SSH2: variants seen among roughly 807,000 people sequenced by gnomAD.
SSH2 encodes the protein slingshot protein phosphatase 2.
Under a neutral mutation model 135.2 loss-of-function variants are expected in SSH2, and 37 were observed. The observed-to-expected ratio is 0.27, with a 90% CI of 0.21 to 0.36. The LOEUF is 0.36. Among genes scored for constraint, SSH2 ranks in the 10% least tolerant of loss-of-function variants. The pLI is 1.00. For synonymous variants in SSH2, 628 were observed against 646.2 expected (o/e 0.97, Z 0.43); for missense variants, 1,408 against 1,765.3 (o/e 0.80, Z 3.63).
intron 3 of SSH2, among the ~76,000 whole-genome samples, chr17:29,790,608 G>A (rs537612384): frequency 1.3e-5 from 2 of 152,234 alleles, no homozygotes; most frequent in South Asian, 4.1e-4. Flanking sequence ...TCACTCTGTT[G>A]ATAGTGTCTT....
chr17:29,893,779 T>C (rs2066393458), intron 1 of SSH2, among the ~76,000 whole-genome samples: 1 of 152,176 alleles, frequency 6.6e-6, no homozygotes, highest in African/African-American at 2.4e-5. Context: ...CTGAGGTGTA[T>C]TGTGACTCTA....
chr17:29,648,459 T>C, intron 13 of SSH2, 115 bp from the exon 14 acceptor site: 2 of 809,824 alleles, frequency 2.5e-6, no homozygotes, highest in Admixed American at 3.0e-5. Context: ...TTTCTTGCTA[T>C]GCAATCTCTC....
intron 3 of SSH2, among the ~76,000 whole-genome samples, chr17:29,746,579 A>G (rs1247771546): frequency 6.6e-6 from 1 of 150,948 alleles, no homozygotes; most frequent in East Asian, 1.9e-4. Flanking sequence ...AAAAGGAAAA[A>G]AGAGAGATGA....
chr17:29,712,755 G>A (rs2039485433), intron 3 of SSH2, among the ~76,000 whole-genome samples: 1 of 152,166 alleles, frequency 6.6e-6, no homozygotes, highest in Non-Finnish European at 1.5e-5. Context: ...ACTGAGCCAA[G>A]ATCACGTCAC....
At chr17:29,887,562 T>C (rs1289375157) in intron 1 of SSH2, among the ~76,000 whole-genome samples, 1 of 152,190 alleles carries the variant, frequency 6.6e-6, no homozygotes, top group Non-Finnish European at 1.5e-5. Context: ...TATTTCCTCA[T>C]CTGTAAAATG....
chr17:29,673,945 A>T, intron 8 of SSH2: 5 of 317,068 alleles, frequency 1.6e-5, no homozygotes, highest in Admixed American at 7.9e-5. Flanking sequence ...ATTTTTTGCT[A>T]TTATTAGAAC....
intron 3 of SSH2, among the ~76,000 whole-genome samples, chr17:29,766,679 ATACT>A (rs556713941): frequency 1.2e-4 from 18 of 152,272 alleles, no homozygotes; most frequent in East Asian, 1.9e-4. Context: ...TAGTTTTAAA[ATACT>A]TACTCATAAG....
intron 1 of SSH2, among the ~76,000 whole-genome samples, chr17:29,898,766 C>T (rs2066491841): frequency 6.6e-6 from 1 of 152,132 alleles, no homozygotes; most frequent in Admixed American, 6.6e-5. Context: ...GGGAATTCTC[C>T]CTAACTCATT....
chr17:29,709,178 A>G (rs1014031521), intron 3 of SSH2, among the ~76,000 whole-genome samples: 3 of 152,002 alleles, frequency 2.0e-5, no homozygotes, highest in Non-Finnish European at 2.9e-5. Context: ...CATGTAAGAG[A>G]CTGAGGGCTC....
chr17:29,673,118 G>A (rs1459492750), intron 8 of SSH2, among the ~76,000 whole-genome samples: 2 of 152,156 alleles, frequency 1.3e-5, no homozygotes, highest in Non-Finnish European at 2.9e-5. Flanking sequence ...TGTGGGAAAA[G>A]CTTAAGGTAG....
intron 3 of SSH2, among the ~76,000 whole-genome samples, chr17:29,740,023 T>A (rs868415513): frequency 6.6e-6 from 1 of 152,240 alleles, no homozygotes; most frequent in Non-Finnish European, 1.5e-5. Flanking sequence ...CAGTTTTTGA[T>A]GCCTCCATGT....
intron 1 of SSH2, among the ~76,000 whole-genome samples, chr17:29,868,749 A>AG (rs748049613): frequency 7.9e-5 from 12 of 151,750 alleles, no homozygotes; most frequent in Non-Finnish European, 1.2e-4. Flanking sequence ...AAAAAAAAAA[A>AG]AAAAACTCAG....
intron 14 of SSH2, among the ~76,000 whole-genome samples, chr17:29,637,194 G>A (rs190453988): frequency 7.8e-4 from 118 of 152,248 alleles, no homozygotes; most frequent in Non-Finnish European, 1.0e-3. Flanking sequence ...TGCCTCCCAG[G>A]TTCAAGCAAT....
chr17:29,665,582 G>C lies in SSH2; in HGVS notation c.1032+1285C>G, dbSNP rs1350286500. The stretch of plus-strand genomic sequence containing the variant: ...TTTCACAGTTCATAAACGTCCTCAA[G>C]AAGAGAAAGGAAGTGAAATTCAAAC... On this transcript the variant is annotated intron_variant, in intron 11 of 15. Coordinates refer to ENST00000540801, the MANE Select transcript of SSH2 (RefSeq NM_001282129.2). Among the ~76,000 whole-genome samples the C allele has an allele frequency of 2.0e-5, 3 of 152,178 alleles. No individual in the cohort carries two copies. In the East Asian group the frequency reaches 5.8e-4, roughly 29 times the overall value.
chr17:29,923,905 C>CA (rs1266977664), intron 1 of SSH2, among the ~76,000 whole-genome samples: 1 of 151,962 alleles, frequency 6.6e-6, no homozygotes, highest in Non-Finnish European at 1.5e-5. Flanking sequence ...GACTCTGTCT[C>CA]AAAAAACCAA....
At chr17:29,639,958 A>T (rs2036078316) in intron 14 of SSH2, among the ~76,000 whole-genome samples, 2 of 152,168 alleles carry the variant, frequency 1.3e-5, no homozygotes, top group South Asian at 4.1e-4. Context: ...TAGTAGGACA[A>T]TGCCTGGGAT....
intron 1 of SSH2, among the ~76,000 whole-genome samples, chr17:29,859,345 T>C (rs2065720336): frequency 6.6e-6 from 1 of 152,170 alleles, no homozygotes; most frequent in South Asian, 2.1e-4. Flanking sequence ...GTTTGTTATA[T>C]GAATAAACTC....
At chr17:29,807,784 A>T (rs1175974047) in intron 2 of SSH2, among the ~76,000 whole-genome samples, 1 of 150,188 alleles carries the variant, frequency 6.7e-6, no homozygotes. Flanking sequence ...TAGCCAGGGA[A>T]GGTATTTATT....
intron 2 of SSH2, among the ~76,000 whole-genome samples, chr17:29,823,878 CA>C (rs60064865): frequency 9.2e-4 from 78 of 85,052 alleles, no homozygotes; most frequent in South Asian, 1.8e-3. Context: ...GACTCTGTCT[CA>C]AAAAAAAAAA....
Sources: allele counts gnomAD v4.1 joint callset (sites outside exome capture counted in the v4.1 genomes callset), GRCh38; gene constraint gnomAD v4.1.1; transcripts MANE v1.5; gene names NCBI Gene and HGNC (gene_info 2026-07-23, HGNC 2026-07-21).